The following CDK8 variants were observed in gnomAD, a reference collection of about 807,000 sequenced individuals.
CDK8 encodes cyclin dependent kinase 8, also known as cyclin-dependent kinase 8.
Under a neutral mutation model 71.5 loss-of-function variants are expected in CDK8, and 29 were observed. That is an observed-to-expected ratio of 0.41 (90% CI 0.30 to 0.55). The LOEUF (loss-of-function observed/expected upper bound fraction) is 0.55. Among genes scored for constraint, CDK8 ranks in the 20% least tolerant of loss-of-function variants. The probability of loss-of-function intolerance (pLI) is 0.37; values close to 1 mark genes in which losing one functional copy is unlikely to be tolerated. For synonymous variants in CDK8, 161 were observed against 192.1 expected (o/e 0.84, Z 1.34); for missense variants, 288 against 572.6 (o/e 0.50, Z 5.07).
At chr13:26,289,645 G>A (rs1289994112) in intron 1 of CDK8, among the ~76,000 whole-genome samples, 3 of 151,956 alleles carry the variant, frequency 2.0e-5, no homozygotes, top group Non-Finnish European at 4.4e-5. Flanking sequence ...CCGCCTCCCG[G>A]GTTCACGCCA....
chr13:26,397,361 G>C lies in CDK8; in HGVS notation c.933+136G>C, dbSNP rs182442937. The C allele has an allele frequency of 2.9e-4, 175 of 600,078 alleles. 1 individual carries two copies. Among genetic ancestry groups the C allele is most frequent in the Admixed American group, 1.7e-3 (51 of 29,448 alleles). 37.2% of individuals were successfully genotyped at this position (600,078 alleles called of 1,614,324 possible). On this transcript the variant is annotated intron_variant, in intron 9 of 12. Transcript: ENST00000381527. Reference sequence around the variant, plus strand: ...CTTTCATGGTAAATGCAGAGATCTTGTTAGTGCATACCAATAAAGACAATA... The same window carrying C: ...CTTTCATGGTAAATGCAGAGATCTTCTTAGTGCATACCAATAAAGACAATA...
At chr13:26,269,168 C>A (rs1872178406) in intron 1 of CDK8, among the ~76,000 whole-genome samples, 1 of 152,204 alleles carries the variant, frequency 6.6e-6, no homozygotes, top group African/African-American at 2.4e-5. Flanking sequence ...GATTGTAAGA[C>A]AGCTCTGATG....
chr13:26,339,741 A>G (rs1463942930), intron 2 of CDK8, among the ~76,000 whole-genome samples: 1 of 58,766 alleles, frequency 1.7e-5, no homozygotes, highest in African/African-American at 3.8e-5. Context: ...TATTTATATA[A>G]TTACTTAAAA....
At chr13:26,394,616 G>A (rs771043535) in intron 7 of CDK8, among the ~76,000 whole-genome samples, 3 of 152,212 alleles carry the variant, frequency 2.0e-5, no homozygotes, top group Non-Finnish European at 4.4e-5. Flanking sequence ...GCTTCTGAAT[G>A]TGTCCACCAT....
At chr13:26,396,865 A>G (rs1164621264) in intron 8 of CDK8, among the ~76,000 whole-genome samples, 6 of 152,096 alleles carry the variant, frequency 3.9e-5, no homozygotes, top group Admixed American at 6.5e-5. Context: ...CCCAGATGTT[A>G]TTTAAAATAA....
chr13:26,400,420 A>G (rs769575686), intron 9 of CDK8, 33 bp from the exon 10 acceptor site: 24 of 1,273,980 alleles, frequency 1.9e-5, no homozygotes, highest in East Asian at 4.6e-5. Flanking sequence ...GTGAGAAGCA[A>G]TACCGTCATG....
At chr13:26,315,858 C>T (rs1874486169) in intron 1 of CDK8, among the ~76,000 whole-genome samples, 1 of 152,192 alleles carries the variant, frequency 6.6e-6, no homozygotes, top group South Asian at 2.1e-4. Flanking sequence ...AGGAACTTGT[C>T]TCTTTCTATG....
At chr13:26,297,204 G>A (rs1028690228) in intron 1 of CDK8, among the ~76,000 whole-genome samples, 1 of 152,154 alleles carries the variant, frequency 6.6e-6, no homozygotes, top group Non-Finnish European at 1.5e-5. Flanking sequence ...AAACCCAACA[G>A]TCACTCTGAT....
rs1056631436 is a variant in CDK8, at chr13:26,397,135, A to G, written c.861-18A>G. The G allele has an allele frequency of 2.1e-6, 3 of 1,435,972 alleles. No individual in the cohort carries two copies. Among genetic ancestry groups the G allele is most frequent in the Non-Finnish European group, 2.9e-6 (3 of 1,021,190 alleles). The allele number at this position is 1,435,972 out of a possible 1,614,324, so 89.0% of individuals were successfully genotyped here. A position where few individuals can be genotyped will look rare whatever the true frequency, so the allele number is the denominator to read the frequency against. ...ACCTCAAGTCTAATATAGCTATTTC[A>G]TAGTATTTCTCTTTCAGGTATACCA... On this transcript the variant is annotated intron_variant, in intron 8 of 12. Transcript: ENST00000381527.
chr13:26,280,464 T>A (rs1872699495), intron 1 of CDK8, among the ~76,000 whole-genome samples: 1 of 152,222 alleles, frequency 6.6e-6, no homozygotes, highest in Admixed American at 6.5e-5. Context: ...TCATAGTGAC[T>A]CAACATTGGA....
intron 1 of CDK8, among the ~76,000 whole-genome samples, chr13:26,307,647 G>A (rs889586147): frequency 3.3e-5 from 5 of 152,136 alleles, no homozygotes; most frequent in African/African-American, 1.2e-4. Flanking sequence ...AGCAGCAGTA[G>A]AAAACTAATA....
chr13:26,272,383 G>T (rs1462177261), intron 1 of CDK8, among the ~76,000 whole-genome samples: 1 of 152,018 alleles, frequency 6.6e-6, no homozygotes, highest in Non-Finnish European at 1.5e-5. Context: ...GCCTACACAG[G>T]GTCAGGATCA....
intron 2 of CDK8, among the ~76,000 whole-genome samples, chr13:26,343,219 G>A (rs1873315514): frequency 6.6e-6 from 1 of 152,118 alleles, no homozygotes; most frequent in African/African-American, 2.4e-5. Context: ...TAACCCAGAT[G>A]GTAGAACCTA....
chr13:26,389,464 AG>A (rs1268688666), intron 6 of CDK8, among the ~76,000 whole-genome samples: 3 of 151,944 alleles, frequency 2.0e-5, no homozygotes, highest in Admixed American at 2.0e-4. Context: ...CCAGCCAAAA[AG>A]TTTTAAGCTT....
At chr13:26,393,013 G>A (rs925121422) in intron 6 of CDK8, among the ~76,000 whole-genome samples, 9 of 151,962 alleles carry the variant, frequency 5.9e-5, no homozygotes, top group African/African-American at 1.2e-4. Context: ...TCCATATGCA[G>A]CTTTACTGTA....
intron 1 of CDK8, among the ~76,000 whole-genome samples, chr13:26,283,273 T>G: frequency 6.6e-6 from 1 of 152,200 alleles, no homozygotes; most frequent in East Asian, 1.9e-4. Flanking sequence ...GAACATTCTC[T>G]AAGATAGACC....
At chr13:26,313,674 A>G (rs986977835) in intron 1 of CDK8, among the ~76,000 whole-genome samples, 2 of 152,176 alleles carry the variant, frequency 1.3e-5, no homozygotes, top group Admixed American at 6.5e-5. Flanking sequence ...CACTTTTCAG[A>G]TGAGTAAATG....
At chr13:26,341,922 T>C (rs774535926) in intron 2 of CDK8, among the ~76,000 whole-genome samples, 5 of 152,190 alleles carry the variant, frequency 3.3e-5, no homozygotes, top group Non-Finnish European at 7.3e-5. Context: ...AAACCTTCTG[T>C]TTTCAATTTT....
chr13:26,389,326 A>AT (rs1208445399), intron 6 of CDK8, among the ~76,000 whole-genome samples: 1 of 151,816 alleles, frequency 6.6e-6, no homozygotes, highest in Non-Finnish European at 1.5e-5. Flanking sequence ...CACCCAGCTA[A>AT]TTTTTTTATT....
Sources: gnomAD v4.1 joint callset for allele counts (sites outside exome capture counted in the v4.1 genomes callset) on GRCh38, gnomAD v4.1.1 for gene constraint, MANE v1.5 for transcripts, NCBI Gene and HGNC (gene_info 2026-07-23, HGNC 2026-07-21) for gene names.